The following SND1 variants were observed in gnomAD, a reference collection of about 807,000 sequenced individuals.
SND1 encodes the protein staphylococcal nuclease domain-containing protein 1.
A neutral mutation model predicts 121.7 loss-of-function variants in SND1; 38 were observed. That is an observed-to-expected ratio of 0.31 (90% CI 0.24 to 0.41). The LOEUF is 0.41. Among genes scored for constraint, SND1 ranks in the 10% least tolerant of loss-of-function variants. The pLI, the probability that SND1 is intolerant of heterozygous loss-of-function variation, is 1.00. For synonymous variants in SND1, 401 were observed against 447.4 expected (o/e 0.90, Z 1.31); for missense variants, 868 against 1,184.6 (o/e 0.73, Z 3.92).
In SND1 at chr7:128,008,520, T is replaced by C. The variant is rs111448912; in HGVS notation, c.1779+17464T>C. ...TGTTTTGATTTTTGAATTGAGAGAG[T>C]TGTGGGGAGGTCAAAATGCCCATCC... On this transcript the variant is annotated intron_variant, in intron 16 of 23. Coordinates refer to ENST00000354725, the MANE Select transcript of SND1 (RefSeq NM_014390.4). Among the ~76,000 whole-genome samples the C allele has an allele frequency of 3.5e-3, 526 of 150,250 alleles. 1 individual carries two copies. Among genetic ancestry groups the C allele is most frequent in the Non-Finnish European group, 4.2e-3 (282 of 67,596 alleles).
At chr7:127,915,685 G>A (rs542697701) in intron 14 of SND1, among the ~76,000 whole-genome samples, 14 of 152,196 alleles carry the variant, frequency 9.2e-5, no homozygotes, top group Non-Finnish European at 1.5e-4. Context: ...AGTGTATACT[G>A]GTGGCCACAG....
chr7:127,723,771 C>A (rs1272785708), intron 10 of SND1, among the ~76,000 whole-genome samples: 1 of 152,132 alleles, frequency 6.6e-6, no homozygotes, highest in Non-Finnish European at 1.5e-5. Flanking sequence ...CACATGTGAG[C>A]TCTATTTGTT....
At chr7:127,773,046 CCA>C (rs1384593763) in intron 10 of SND1, among the ~76,000 whole-genome samples, 7 of 152,188 alleles carry the variant, frequency 4.6e-5, no homozygotes, top group African/African-American at 1.7e-4. Context: ...AATGGAGAAA[CCA>C]CAGTGAAAGC....
intron 1 of SND1, among the ~76,000 whole-genome samples, chr7:127,664,912 GAAAAAC>G (rs1795385994): frequency 2.6e-5 from 4 of 152,186 alleles, no homozygotes; most frequent in Admixed American, 2.6e-4. Context: ...GACTGTAGAA[GAAAAAC>G]AAAAACAATT....
chr7:127,942,719 T>C (rs1004937560), intron 15 of SND1, among the ~76,000 whole-genome samples: 2 of 152,222 alleles, frequency 1.3e-5, no homozygotes, highest in African/African-American at 4.8e-5. Flanking sequence ...TGCATTGTTG[T>C]TAGGCAAGCA....
At chr7:128,027,270 T>C (rs1014796138) in intron 16 of SND1, 1 of 151,808 alleles carries the variant, frequency 6.6e-6, no homozygotes, top group African/African-American at 2.4e-5. Flanking sequence ...GATCTCTGCC[T>C]TCCCCACCCA....
rs1238504181 is a variant in SND1, at chr7:127,823,977, T to C, written c.1242+16404T>C. Among the ~76,000 whole-genome samples the C allele has an allele frequency of 2.6e-5, 4 of 152,234 alleles. No individual in the cohort carries two copies. In the East Asian group the frequency reaches 5.8e-4, roughly 22 times the overall value. Reference sequence around the variant, plus strand: ...TGCATTTTATTTACTCATATCATAGTCAACACTTAAGCAATGAAGGATTTG... The same window carrying C: ...TGCATTTTATTTACTCATATCATAGCCAACACTTAAGCAATGAAGGATTTG... On this transcript the variant is annotated intron_variant, in intron 11 of 23. Coordinates refer to ENST00000354725, the MANE Select transcript of SND1 (RefSeq NM_014390.4).
At chr7:127,858,606 A>G in intron 12 of SND1, 1 of 313,348 alleles carries the variant, frequency 3.2e-6, no homozygotes, top group African/African-American at 2.1e-5. Context: ...AATGGACTCT[A>G]GGGAACAAAA....
intron 16 of SND1, among the ~76,000 whole-genome samples, chr7:128,000,468 G>A (rs916919369): frequency 3.3e-5 from 5 of 150,868 alleles, no homozygotes; most frequent in African/African-American, 9.8e-5. Context: ...CCCAGGCTCA[G>A]GTGACCCTCC....
At chr7:127,783,095 G>A (rs1025143610) in intron 10 of SND1, among the ~76,000 whole-genome samples, 12 of 152,164 alleles carry the variant, frequency 7.9e-5, no homozygotes, top group African/African-American at 2.7e-4. Context: ...TTCCTTTAAA[G>A]GGTAGTTAGT....
intron 10 of SND1, among the ~76,000 whole-genome samples, chr7:127,794,611 T>C (rs1215954430): frequency 6.6e-6 from 1 of 152,250 alleles, no homozygotes; most frequent in South Asian, 2.1e-4. Flanking sequence ...AGAAAATTGG[T>C]TTCCTGTTGT....
At position 127,833,346 on chromosome 7, in the gene SND1, A is replaced by G. The variant is rs114043575; in HGVS notation, c.1243-10978A>G. Among the ~76,000 whole-genome samples, 645 of 149,614 alleles carry G rather than the reference A, an allele frequency of 4.3e-3. 7 individuals carry two copies. The highest frequency in any genetic ancestry group is 0.015 in the African/African-American group (615 of 40,540). ...AGTGGCTCGATGTTGGCTCGCCGCA[A>G]CCTCTGCCTCCAAGGTTCAAGTGAT... On this transcript the variant is annotated intron_variant, in intron 11 of 23. Transcript: ENST00000354725.
chr7:127,984,783 A>G (rs1052895133), intron 15 of SND1, among the ~76,000 whole-genome samples: 1 of 152,202 alleles, frequency 6.6e-6, no homozygotes, highest in Admixed American at 6.5e-5. Context: ...AGGAATATCC[A>G]TGAAAATCTA....
intron 9 of SND1, among the ~76,000 whole-genome samples, chr7:127,715,511 T>C (rs1447432510): frequency 6.6e-6 from 1 of 152,136 alleles, no homozygotes; most frequent in African/African-American, 2.4e-5. Flanking sequence ...TGTCTATTGT[T>C]CCTGTCTTTA....
At chr7:127,877,717 G>C (rs953780329) in intron 12 of SND1, among the ~76,000 whole-genome samples, 12 of 152,050 alleles carry the variant, frequency 7.9e-5, no homozygotes, top group African/African-American at 2.7e-4. Context: ...ACAGACATGA[G>C]CTACCGCGTC....
At chr7:127,654,459 C>A (rs1795177748) in intron 1 of SND1, among the ~76,000 whole-genome samples, 1 of 152,188 alleles carries the variant, frequency 6.6e-6, no homozygotes, top group Non-Finnish European at 1.5e-5. Flanking sequence ...CAATATCATG[C>A]ATGATGTCTC....
At chr7:128,041,572 GA>G (rs1399932027) in intron 16 of SND1, among the ~76,000 whole-genome samples, 7 of 152,320 alleles carry the variant, frequency 4.6e-5, no homozygotes, top group Non-Finnish European at 8.8e-5. Flanking sequence ...AGGAATTGGG[GA>G]TAGGTGAACA....
chr7:127,856,939 C>T (rs1799285449), intron 12 of SND1, among the ~76,000 whole-genome samples: 1 of 152,056 alleles, frequency 6.6e-6, no homozygotes, highest in Admixed American at 6.6e-5. Context: ...CTTCTTGTGT[C>T]ACTTAGCACC....
intron 10 of SND1, among the ~76,000 whole-genome samples, chr7:127,775,601 G>T (rs558155890): frequency 5.3e-4 from 80 of 152,142 alleles, no homozygotes; most frequent in Middle Eastern, 3.4e-3. Flanking sequence ...GAGCACCCTG[G>T]TTCCCCCAGT....
Sources: allele counts gnomAD v4.1 joint callset (sites outside exome capture counted in the v4.1 genomes callset), GRCh38; gene constraint gnomAD v4.1.1; transcripts MANE v1.5; gene names NCBI Gene and HGNC (gene_info 2026-07-23, HGNC 2026-07-21).